Variants in SPHK1 observed in about 807,000 individuals in gnomAD.
The protein encoded by SPHK1 is SK 1.
SPHK1 carries 10 observed loss-of-function variants against 14.6 expected under a neutral mutation model. The observed-to-expected ratio is 0.68, with a 90% CI of 0.42 to 1.16. The LOEUF is 1.16. SPHK1 is among the 50% of genes most tolerant of loss of function. SPHK1 has a pLI of 0.00. For missense variants in SPHK1, 553 were observed against 525.4 expected (o/e 1.05, Z -0.51); for synonymous variants, 274 against 224.0 (o/e 1.22, Z -1.99).
rs747022131 is a variant in SPHK1, at chr17:76,385,565, T to C, written c.-80T>C. 1 of 1,539,888 alleles carries C rather than the reference T, an allele frequency of 6.5e-7. No individual in the cohort carries two copies. Among genetic ancestry groups the C allele is most frequent in the South Asian group, 1.2e-5 (1 of 84,470 alleles). ...CGCCTGGGCAGCACCGATAAGGAGC[T>C]GAAGGCAGGAGCCGCCGCCACGGGC... On this transcript the variant is annotated 5_prime_UTR_variant, in exon 2 of 6. It removes the in-frame stop codon of an upstream open reading frame in the 5' UTR. Coordinates refer to ENST00000592299, the MANE Select transcript of SPHK1 (RefSeq NM_001142601.2). The surrounding 1 kb of genome is among the most constrained non-coding windows in gnomAD (Gnocchi z 5.3).
rs761206442 is a variant in SPHK1, at chr17:76,387,496, C to A, written c.1065C>A (p.His355Gln). 6.2e-7 allele frequency: 1 copy of A among 1,613,104 alleles called. No individual in the cohort carries two copies. The highest frequency in any genetic ancestry group is 2.2e-5 in the East Asian group (1 of 44,850). The change falls in exon 6 of 6, where the codon CAC (histidine) becomes CAA (glutamine). Residue 355 changes from histidine (H) to glutamine (Q), a missense_variant. By Grantham distance (24) the His-to-Gln change is conservative (BLOSUM62 0). Transcript: ENST00000592299. The surrounding 1 kb of genome is among the most constrained non-coding windows in gnomAD (Gnocchi z 4.1). ...GCGAGGCCGTGCAGGGCCAGGTGCACCCAAACTACTTCTGGATGGTCAGCG... is the reference window on the plus strand; with the variant it reads ...GCGAGGCCGTGCAGGGCCAGGTGCAACCAAACTACTTCTGGATGGTCAGCG... ...MVSEAVQGQV[H>Q]PNYFWMVSGC...
chr17:76,386,740 G>A lies in SPHK1; in HGVS notation c.375-66G>A, dbSNP rs2071991069. 2 of 1,491,428 alleles carry A rather than the reference G, an allele frequency of 1.3e-6. No individual in the cohort carries two copies. Among genetic ancestry groups the A allele is most frequent in the Non-Finnish European group, 1.8e-6 (2 of 1,116,644 alleles). 92.4% of individuals were successfully genotyped at this position (1,491,428 alleles called of 1,614,324 possible). ...GGCGCTTTGCCAGCTCCCACTCCCC[G>A]GGAGGAGGAAGCGGGGGATACATGG... On this transcript the variant is annotated intron_variant, in intron 5 of 5. Coordinates refer to ENST00000592299, the MANE Select transcript of SPHK1 (RefSeq NM_001142601.2). This position sits in a 1 kb window ranked among gnomAD's most constrained non-coding sequence, Gnocchi z 5.3.
rs1295416190 is a variant in SPHK1, at chr17:76,387,019, C to G, written c.588C>G (p.Thr196=). The G allele has an allele frequency of 3.1e-6, 5 of 1,613,554 alleles. No individual in the cohort carries two copies. Among genetic ancestry groups the G allele is most frequent in the Non-Finnish European group, 3.4e-6 (4 of 1,180,016 alleles). The change falls in exon 6 of 6, where the codon ACC becomes ACG. Residue 196 remains threonine (T), a synonymous_variant. Coordinates refer to ENST00000592299, the MANE Select transcript of SPHK1 (RefSeq NM_001142601.2). This position sits in a 1 kb window ranked among gnomAD's most constrained non-coding sequence, Gnocchi z 4.1. ...RLGEMRFTLG[T]FLRLAALRTY... ...GGGAGATGCGCTTCACTCTGGGCAC[C>G]TTCCTGCGTCTGGCAGCCCTGCGCA...
At position 76,386,719 on chromosome 17, in the gene SPHK1, C is replaced by T; in HGVS notation, c.375-87C>T. On this transcript the variant is annotated intron_variant, in intron 5 of 5. Transcript: ENST00000592299. The surrounding 1 kb of genome is among the most constrained non-coding windows in gnomAD (Gnocchi z 5.3). ...CCAACTCCCCAGGGACCACATGGCG[C>T]TTTGCCAGCTCCCACTCCCCGGGAG... 3 of 1,442,712 alleles carry T rather than the reference C, an allele frequency of 2.1e-6. No homozygotes were observed. The highest frequency in any genetic ancestry group is 2.8e-6 in the Non-Finnish European group (3 of 1,075,840). 89.4% of individuals were successfully genotyped at this position (1,442,712 alleles called of 1,614,324 possible). A position where few individuals can be genotyped will look rare whatever the true frequency, so the allele number is the denominator to read the frequency against.
rs758209147 is a variant in SPHK1 at position 76,386,360 on chromosome 17, C to T, written c.259-33C>T. ...GCTAGGCCTGGGGCTTGGCGCGGTGCGTCCCAGGCTGAGGCCACGTGTGCT... is the reference window on the plus strand; with the variant it reads ...GCTAGGCCTGGGGCTTGGCGCGGTGTGTCCCAGGCTGAGGCCACGTGTGCT... On this transcript the variant is annotated intron_variant, in intron 4 of 5. Transcript: ENST00000592299. This position sits in a 1 kb window ranked among gnomAD's most constrained non-coding sequence, Gnocchi z 5.3. 3 of 1,604,258 alleles carry T rather than the reference C, an allele frequency of 1.9e-6. No homozygotes were observed. The highest frequency in any genetic ancestry group is 8.5e-7 in the Non-Finnish European group (1 of 1,174,696).
chr17:76,386,211 C>T lies in SPHK1; in HGVS notation c.164-10C>T, dbSNP rs765704095. ...CCCCCCAGTCCTGATAGCTGCCGGTCTCCCTGCAGAGCGGCGGAACCACGC... is the reference window on the plus strand; with the variant it reads ...CCCCCCAGTCCTGATAGCTGCCGGTTTCCCTGCAGAGCGGCGGAACCACGC... On this transcript the variant is annotated splice_polypyrimidine_tract_variant and intron_variant, in intron 3 of 5. Transcript: ENST00000592299. This position sits in a 1 kb window ranked among gnomAD's most constrained non-coding sequence, Gnocchi z 5.3. 1.3e-6 allele frequency: 2 copies of T among 1,595,794 alleles called. No homozygotes were observed. Among genetic ancestry groups the T allele is most frequent in the Non-Finnish European group, 1.7e-6 (2 of 1,176,614 alleles).
chr17:76,387,483 A>T lies in SPHK1; in HGVS notation c.1052A>T (p.Gln351Leu). The stretch of plus-strand genomic sequence containing the variant: ...GAATTGATGGTTAGCGAGGCCGTGC[A>T]GGGCCAGGTGCACCCAAACTACTTC... The part of the protein sequence containing the change: ...DGELMVSEAV[Q>L]GQVHPNYFWM... Residue 351 changes from glutamine to leucine, a missense_variant, in exon 6 of 6, where the codon CAG (glutamine) becomes CTG (leucine). Coordinates refer to ENST00000592299, the MANE Select transcript of SPHK1 (RefSeq NM_001142601.2). The surrounding 1 kb of genome is among the most constrained non-coding windows in gnomAD (Gnocchi z 4.1). 1.9e-6 allele frequency: 3 copies of T among 1,613,376 alleles called. No homozygotes were observed. Among genetic ancestry groups the T allele is most frequent in the Non-Finnish European group, 2.5e-6 (3 of 1,179,956 alleles).
At position 76,386,800 on chromosome 17, in the gene SPHK1, C is replaced by G. The variant is rs766383520; in HGVS notation, c.375-6C>G. The G allele has an allele frequency of 5.9e-6, 9 of 1,532,310 alleles. 1 individual carries two copies. The highest frequency in any genetic ancestry group is 7.0e-6 in the Non-Finnish European group (8 of 1,139,156). The allele number at this position is 1,532,310 out of a possible 1,614,324, so 94.9% of individuals were successfully genotyped here. ...TCCTGCCTTATCTGACTTTTTCCCC[C>G]TGCAGCTATGAGCAGGTCACCAATG... is the stretch of plus-strand genomic sequence containing the variant. On this transcript the variant is annotated splice_polypyrimidine_tract_variant and splice_region_variant and intron_variant, in intron 5 of 5. Transcript: ENST00000592299. The surrounding 1 kb of genome is among the most constrained non-coding windows in gnomAD (Gnocchi z 5.3).
rs776304273 is a variant in SPHK1 at position 76,387,686 on chromosome 17, C to T, written c.*100C>T. On this transcript the variant is annotated 3_prime_UTR_variant, in exon 6 of 6. Transcript: ENST00000592299. The surrounding 1 kb of genome is among the most constrained non-coding windows in gnomAD (Gnocchi z 4.1). ...ACAGCTCCTGTGGGGGTGGAGGAGA[C>T]TCCTCTGGAGAAGGGTGAGAAGGTG... The T allele has an allele frequency of 1.5e-6, 2 of 1,320,286 alleles. No individual in the cohort carries two copies. Among genetic ancestry groups the T allele is most frequent in the Admixed American group, 5.1e-5 (2 of 38,906 alleles). The allele number at this position is 1,320,286 out of a possible 1,614,324, so 81.8% of individuals were successfully genotyped here.
chr17:76,386,814 A>G lies in SPHK1; in HGVS notation c.383A>G (p.Gln128Arg). 1.3e-6 allele frequency: 2 copies of G among 1,547,050 alleles called. No homozygotes were observed. Among genetic ancestry groups the G allele is most frequent in the Non-Finnish European group, 1.7e-6 (2 of 1,144,858 alleles). ...ACTTTTTCCCCCTGCAGCTATGAGC[A>G]GGTCACCAATGAAGACCTCCTGACC... ...ASLNHYAGYEQVTNEDLLTNC... is the reference protein window; with the variant it reads ...ASLNHYAGYERVTNEDLLTNC... Residue 128 changes from glutamine to arginine, a missense_variant, in exon 6 of 6, where the codon CAG becomes CGG. Transcript: ENST00000592299. This position sits in a 1 kb window ranked among gnomAD's most constrained non-coding sequence, Gnocchi z 5.3.
At position 76,385,997 on chromosome 17, in the gene SPHK1, G is replaced by T. The variant is rs779741219; in HGVS notation, c.23G>T (p.Arg8Leu). MDPAGGPRGVLPRPCRVL... is the reference protein window; with the variant it reads MDPAGGPLGVLPRPCRVL... Reference sequence around the variant, plus strand: ...TTTGTTTTCTCAGCGGGCGGCCCCCGGGGCGTGCTCCCGCGGCCCTGCCGC... The same window carrying T: ...TTTGTTTTCTCAGCGGGCGGCCCCCTGGGCGTGCTCCCGCGGCCCTGCCGC... Residue 8 changes from arginine to leucine, a missense_variant, in exon 3 of 6, where the codon CGG becomes CTG. Physicochemically the swap from Arg to Leu is moderately radical, Grantham distance 102 (BLOSUM62 -2). Transcript: ENST00000592299. This position sits in a 1 kb window ranked among gnomAD's most constrained non-coding sequence, Gnocchi z 5.3. 6.2e-7 allele frequency: 1 copy of T among 1,601,114 alleles called. No homozygotes were observed. Among genetic ancestry groups the T allele is most frequent in the East Asian group, 2.2e-5 (1 of 44,462 alleles).
Position 76,387,734 on chromosome 17 carries a change from G to A in SPHK1, c.*148G>A. 1.0e-6 allele frequency: 1 copy of A among 972,590 alleles called. No homozygotes were observed. The highest frequency in any genetic ancestry group is 1.5e-6 in the Non-Finnish European group (1 of 684,854). The allele number at this position is 972,590 out of a possible 1,614,324, so 60.2% of individuals were successfully genotyped here. On this transcript the variant is annotated 3_prime_UTR_variant, in exon 6 of 6. Coordinates refer to ENST00000592299, the MANE Select transcript of SPHK1 (RefSeq NM_001142601.2). The surrounding 1 kb of genome is among the most constrained non-coding windows in gnomAD (Gnocchi z 4.1). ...GTGGAGGCTATGCTTTGGGGGGACA[G>A]GCCAGAATGAAGTCCTGGGTCAGGA...
Position 76,386,530 on chromosome 17 carries a change from A to G in SPHK1, c.374+22A>G, listed in dbSNP as rs569391253. ...CTGGGTGAGAGCCCAGGGCCAGAGT[A>G]GGCCTGTTTCCCGTCAGTGCTCCTC... is the stretch of plus-strand genomic sequence containing the variant. On this transcript the variant is annotated intron_variant, in intron 5 of 5. Coordinates refer to ENST00000592299, the MANE Select transcript of SPHK1 (RefSeq NM_001142601.2). This position sits in a 1 kb window ranked among gnomAD's most constrained non-coding sequence, Gnocchi z 5.3. 66 of 1,599,834 alleles carry G rather than the reference A, an allele frequency of 4.1e-5. No homozygotes were observed. In the African/African-American group the frequency reaches 7.5e-4, roughly 18 times the overall value.
chr17:76,387,825 C>G lies in SPHK1; in HGVS notation c.*239C>G, dbSNP rs1483334284. 4.1e-6 allele frequency: 2 copies of G among 491,166 alleles called. No homozygotes were observed. The highest frequency in any genetic ancestry group is 3.9e-5 in the African/African-American group (2 of 51,816). The allele number at this position is 491,166 out of a possible 1,614,324, so 30.4% of individuals were successfully genotyped here. ...AGTTTGTTCTGAGACCCCCACCCCA[C>G]GAACCAAATCCAAATAAAGTGACAT... is the stretch of plus-strand genomic sequence containing the variant. On this transcript the variant is annotated 3_prime_UTR_variant, in exon 6 of 6. Transcript: ENST00000592299. The surrounding 1 kb of genome is among the most constrained non-coding windows in gnomAD (Gnocchi z 4.1).
rs1390324518 is a variant in SPHK1 at position 76,385,146 on chromosome 17, C to A, written c.-194-305C>A. ...CTGGGATTTTTACGCAGCTGGACTCCCCTCCCCCTGGCAGCCCCGAGGGGT... is the reference window on the plus strand; with the variant it reads ...CTGGGATTTTTACGCAGCTGGACTCACCTCCCCCTGGCAGCCCCGAGGGGT... On this transcript the variant is annotated intron_variant, in intron 1 of 5. Transcript: ENST00000592299. The surrounding 1 kb of genome is among the most constrained non-coding windows in gnomAD (Gnocchi z 5.3). 1 of 1,594,780 alleles carries A rather than the reference C, an allele frequency of 6.3e-7. No individual in the cohort carries two copies. Among genetic ancestry groups the A allele is most frequent in the African/African-American group, 1.3e-5 (1 of 74,870 alleles).
Position 76,385,525 on chromosome 17 carries a change from C to G in SPHK1, c.-120C>G, listed in dbSNP as rs2071954490. On this transcript the variant is annotated 5_prime_UTR_variant, in exon 2 of 6. Coordinates refer to ENST00000592299, the MANE Select transcript of SPHK1 (RefSeq NM_001142601.2). This position sits in a 1 kb window ranked among gnomAD's most constrained non-coding sequence, Gnocchi z 5.3. ...GGGCGGGGAAGGCGAGCCCCACAGC[C>G]GGCCCTGCGACGCCCGCCTGGGCAG... 1 of 1,542,988 alleles carries G rather than the reference C, an allele frequency of 6.5e-7. No homozygotes were observed. Among genetic ancestry groups the G allele is most frequent in the African/African-American group, 1.4e-5 (1 of 73,362 alleles).
Position 76,385,402 on chromosome 17 carries a change from C to T in SPHK1, c.-194-49C>T, listed in dbSNP as rs1328544250. On this transcript the variant is annotated intron_variant, in intron 1 of 5. Coordinates refer to ENST00000592299, the MANE Select transcript of SPHK1 (RefSeq NM_001142601.2). This position sits in a 1 kb window ranked among gnomAD's most constrained non-coding sequence, Gnocchi z 5.3. Reference sequence around the variant, plus strand: ...GGATTTAGTCGGGCGCTCCCCACCTCTGGCAGCTGCGGCCCCGGACTCCGC... The same window carrying T: ...GGATTTAGTCGGGCGCTCCCCACCTTTGGCAGCTGCGGCCCCGGACTCCGC... 1.4e-6 allele frequency: 2 copies of T among 1,474,878 alleles called. No individual in the cohort carries two copies. The highest frequency in any genetic ancestry group is 1.8e-6 in the Non-Finnish European group (2 of 1,116,490). The allele number at this position is 1,474,878 out of a possible 1,614,324, so 91.4% of individuals were successfully genotyped here.
At position 76,386,206 on chromosome 17, in the gene SPHK1, C is replaced by T. The variant is rs1375307113; in HGVS notation, c.164-15C>T. On this transcript the variant is annotated splice_polypyrimidine_tract_variant and intron_variant, in intron 3 of 5. Coordinates refer to ENST00000592299, the MANE Select transcript of SPHK1 (RefSeq NM_001142601.2). The surrounding 1 kb of genome is among the most constrained non-coding windows in gnomAD (Gnocchi z 5.3). ...GGGACCCCCCCAGTCCTGATAGCTG[C>T]CGGTCTCCCTGCAGAGCGGCGGAAC... The T allele has an allele frequency of 5.0e-6, 8 of 1,595,554 alleles. No homozygotes were observed. Among genetic ancestry groups the T allele is most frequent in the Non-Finnish European group, 5.1e-6 (6 of 1,176,494 alleles).
Position 76,386,773 on chromosome 17 carries a change from T to C in SPHK1, c.375-33T>C. The C allele has an allele frequency of 2.0e-6, 3 of 1,520,520 alleles. No individual in the cohort carries two copies. The highest frequency in any genetic ancestry group is 2.6e-6 in the Non-Finnish European group (3 of 1,135,520). The allele number at this position is 1,520,520 out of a possible 1,614,324, so 94.2% of individuals were successfully genotyped here. On this transcript the variant is annotated intron_variant, in intron 5 of 5. Transcript: ENST00000592299. The surrounding 1 kb of genome is among the most constrained non-coding windows in gnomAD (Gnocchi z 5.3). ...GAAGCGGGGGATACATGGGGGCTCC[T>C]GTCCTGCCTTATCTGACTTTTTCCC... is the stretch of plus-strand genomic sequence containing the variant.
Sources: gnomAD v4.1 joint callset for allele counts on GRCh38, gnomAD v4.1.1 for gene constraint, Gnocchi (gnomAD v3.1) non-coding constraint, MANE v1.5 for transcripts, NCBI Gene and HGNC (gene_info 2026-07-23, HGNC 2026-07-21) for gene names.